SVEP1: variants seen among roughly 807,000 people sequenced by gnomAD.
SVEP1 encodes sushi, von Willebrand factor type A, EGF and pentraxin domain-containing protein 1.
In SVEP1, 164 loss-of-function variants were observed where a neutral mutation model predicts 367.3. The ratio of observed to expected loss-of-function variants is 0.45; its 90% CI spans 0.39 to 0.51. The LOEUF (loss-of-function observed/expected upper bound fraction) is 0.51, where lower values mean the gene tolerates loss of function less well. Ranked by LOEUF, SVEP1 falls within the 20% of genes least tolerant of loss-of-function variation. The probability of loss-of-function intolerance (pLI) is 0.00; values close to 1 mark genes in which losing one functional copy is unlikely to be tolerated. For missense variants in SVEP1, 4,117 were observed against 4,425.3 expected, an observed-to-expected ratio of 0.93 and a Z score of 1.98; for synonymous variants, 1,666 against 1,611.6, an observed-to-expected ratio of 1.03 and a Z score of -0.81.
chr9:110,486,630 CTTCTCT>C (rs1829281189), intron 9 of SVEP1, among the ~76,000 whole-genome samples: 1 of 147,372 alleles, frequency 6.8e-6, no homozygotes, highest in Non-Finnish European at 1.5e-5. Flanking sequence ...CTTCTCCTTC[CTTCTCT>C]TTCTCTCTCT....
At chr9:110,392,597 A>C (rs1827681758) in intron 40 of SVEP1, among the ~76,000 whole-genome samples, 1 of 152,106 alleles carries the variant, frequency 6.6e-6, no homozygotes, top group South Asian at 2.1e-4. Context: ...CTATTTTATC[A>C]CTATTAACTG....
intron 36 of SVEP1, among the ~76,000 whole-genome samples, chr9:110,418,971 A>G (rs1828153302): frequency 2.0e-5 from 1 of 51,260 alleles, no homozygotes; most frequent in Admixed American, 2.3e-4. Context: ...GGAAGCGCTA[A>G]ACATGGAAAG....
intron 46 of SVEP1, 142 bp downstream of exon 46, chr9:110,375,226 G>A: frequency 1.4e-6 from 1 of 714,404 alleles, no homozygotes; most frequent in Non-Finnish European, 2.3e-6. Context: ...CACGAATCAA[G>A]GGATCATCTT....
chr9:110,562,829 A>G (rs868334763), intron 1 of SVEP1, among the ~76,000 whole-genome samples: 4 of 152,230 alleles, frequency 2.6e-5, no homozygotes, highest in East Asian at 1.9e-4. Flanking sequence ...AGTTGGGATT[A>G]CAGGTGCCTG....
At chr9:110,500,831 A>G (rs572022040) in intron 6 of SVEP1, among the ~76,000 whole-genome samples, 5 of 152,116 alleles carry the variant, frequency 3.3e-5, no homozygotes, top group African/African-American at 1.2e-4. Flanking sequence ...TGATAGAGCT[A>G]CTTTCTATTT....
intron 3 of SVEP1, among the ~76,000 whole-genome samples, chr9:110,545,656 T>A (rs938905353): frequency 9.8e-5 from 15 of 152,300 alleles, no homozygotes; most frequent in Non-Finnish European, 2.2e-4. Context: ...TTGGTTTACA[T>A]GCCTAGAGGA....
At chr9:110,557,997 CTT>C (rs934483881) in intron 1 of SVEP1, among the ~76,000 whole-genome samples, 1 of 151,776 alleles carries the variant, frequency 6.6e-6, no homozygotes, top group Non-Finnish European at 1.5e-5. Context: ...GAATTAGTAA[CTT>C]TGTTTAATTT....
At chr9:110,480,908 C>T (rs1031675172) in intron 12 of SVEP1, among the ~76,000 whole-genome samples, 1 of 151,984 alleles carries the variant, frequency 6.6e-6, no homozygotes, top group Non-Finnish European at 1.5e-5. Context: ...GGGTATACGT[C>T]ACCATGCCTG....
Position 110,436,511 on chromosome 9 carries a change from A to C in SVEP1, c.4640-7T>G, listed in dbSNP as rs757530254. 1.2e-6 allele frequency: 2 copies of C among 1,612,152 alleles called. No individual in the cohort carries two copies. Among genetic ancestry groups the C allele is most frequent in the Non-Finnish European group, 8.5e-7 (1 of 1,178,870 alleles). The stretch of plus-strand genomic sequence containing the variant: ...AGAACTAACGCACCACCACCTAAGG[A>C]GAGAGAAAGAGAAAGAAAAGGAGGA... On this transcript the variant is annotated splice_polypyrimidine_tract_variant and splice_region_variant and intron_variant, in intron 27 of 47. Transcript: ENST00000374469.
At chr9:110,458,719 T>C (rs1468296852) in intron 19 of SVEP1, among the ~76,000 whole-genome samples, 157 bp from the exon 20 acceptor site, 1 of 152,222 alleles carries the variant, frequency 6.6e-6, no homozygotes, top group African/African-American at 2.4e-5. Flanking sequence ...ATGGATGGCA[T>C]ACATCATTAC....
In SVEP1 at chr9:110,496,844, G is replaced by C. The variant is rs1192949471; in HGVS notation, c.1771C>G (p.Pro591Ala). Residue 591 changes from proline (P) to alanine (A), a missense_variant, in exon 8 of 48, where the codon CCA becomes GCA. Pro to Ala is a conservative substitution (Grantham distance 27). Transcript: ENST00000374469. ...TCACCAGAGTTGTCTTTAGCTGTTG[G>C]AATCTGCCAGGTAACATTGGCAGAA... is the stretch of plus-strand genomic sequence containing the variant. ...QDSANVTWQI[P>A]TAKDNSGEKV... The C allele has an allele frequency of 6.4e-7, 1 of 1,557,378 alleles. No individual in the cohort carries two copies. Among genetic ancestry groups the C allele is most frequent in the Non-Finnish European group, 8.7e-7 (1 of 1,149,094 alleles).
chr9:110,407,148 C>T lies in SVEP1; in HGVS notation c.8452G>A (p.Asp2818Asn). 1.9e-6 allele frequency: 3 copies of T among 1,614,026 alleles called. No individual in the cohort carries two copies. The highest frequency in any genetic ancestry group is 1.7e-6 in the Non-Finnish European group (2 of 1,179,896). The change falls in exon 38 of 48, where the codon GAC (aspartate) becomes AAC (asparagine). Residue 2818 changes from aspartate to asparagine, a missense_variant. Asp to Asn is a conservative substitution (Grantham distance 23, BLOSUM62 1). Around this residue, in one of 4 missense-constraint regions of SVEP1, gnomAD observed 1,765 missense variants for 1,781.1 expected, o/e 0.99. Transcript: ENST00000374469. Reference protein sequence around the residue: ...NGTERRTCQDDKNWDEDEPIC... With the variant: ...NGTERRTCQDNKNWDEDEPIC... ...GGCTCATCCTCATCCCAGTTTTTGT[C>T]ATCCTGGCATGTTCTCCTCTCAGTG...
chr9:110,377,387 G>A (rs1302884173), intron 44 of SVEP1, 21 bp from the exon 45 acceptor site: 25 of 1,607,528 alleles, frequency 1.6e-5, no homozygotes, highest in East Asian at 2.2e-5. Flanking sequence ...AGCAGGATGG[G>A]TCACAAATGT....
At chr9:110,464,198 T>G (rs1328752139) in intron 18 of SVEP1, among the ~76,000 whole-genome samples, 1 of 152,184 alleles carries the variant, frequency 6.6e-6, no homozygotes, top group African/African-American at 2.4e-5. Context: ...AATCAGAATG[T>G]GAAGGCTTGT....
chr9:110,403,029 T>TA (rs1251031962), intron 39 of SVEP1, among the ~76,000 whole-genome samples: 1 of 151,900 alleles, frequency 6.6e-6, no homozygotes, highest in Admixed American at 6.6e-5. Flanking sequence ...GATTTACAAA[T>TA]AAAAAAATAA....
intron 1 of SVEP1, among the ~76,000 whole-genome samples, chr9:110,572,256 T>C (rs1830573006): frequency 6.6e-6 from 1 of 152,230 alleles, no homozygotes. Flanking sequence ...TATCATTAGG[T>C]CATTGGTGGA....
chr9:110,536,450 A>T (rs949090489), intron 3 of SVEP1, among the ~76,000 whole-genome samples: 3 of 152,024 alleles, frequency 2.0e-5, no homozygotes, highest in Non-Finnish European at 2.9e-5. Context: ...CACATGCATC[A>T]TTTTAAAAGA....
chr9:110,371,856 C>G (rs547346414), intron 46 of SVEP1, among the ~76,000 whole-genome samples: 1 of 147,378 alleles, frequency 6.8e-6, no homozygotes, highest in Non-Finnish European at 1.5e-5. Context: ...TTTACAATCC[C>G]GCAATGAATC....
intron 27 of SVEP1, among the ~76,000 whole-genome samples, chr9:110,441,974 C>T (rs1246104107): frequency 1.3e-5 from 2 of 152,198 alleles, no homozygotes; most frequent in Non-Finnish European, 2.9e-5. Flanking sequence ...TCCGCCCTCT[C>T]TACCTGCATG....
Sources: allele counts gnomAD v4.1 joint callset (sites outside exome capture counted in the v4.1 genomes callset), GRCh38; gene constraint gnomAD v4.1.1; regional missense constraint gnomAD v4.1.1; transcripts MANE v1.5; gene names NCBI Gene and HGNC (gene_info 2026-07-23, HGNC 2026-07-21).